The following GLI3 variants were observed in gnomAD, a reference collection of about 807,000 sequenced individuals.
GLI3 encodes transcription activator GLI3.
In GLI3, 20 loss-of-function variants were observed where a neutral mutation model predicts 100.8. That is an observed-to-expected ratio of 0.20 (90% CI 0.14 to 0.29). GLI3 has a LOEUF of 0.29. GLI3 is among the 10% of genes least tolerant of loss of function. GLI3 has a pLI of 1.00. For missense variants in GLI3, 2,040 were observed against 2,128.5 expected (o/e 0.96, Z 0.82); for synonymous variants, 938 against 860.5 (o/e 1.09, Z -1.58).
At chr7:42,211,331 A>G (rs1454122412) in intron 2 of GLI3, among the ~76,000 whole-genome samples, 1 of 152,248 alleles carries the variant, frequency 6.6e-6, no homozygotes, top group African/African-American at 2.4e-5. Flanking sequence ...TTTATAAAAC[A>G]TTGTTAGCCT....
chr7:42,196,739 C>G (rs1787934918), intron 2 of GLI3, among the ~76,000 whole-genome samples: 1 of 152,154 alleles, frequency 6.6e-6, no homozygotes, highest in Non-Finnish European at 1.5e-5. Flanking sequence ...AAAGCCGTTT[C>G]ATGTCTCACT....
intron 10 of GLI3, among the ~76,000 whole-genome samples, chr7:42,004,319 A>G (rs182690053): frequency 4.6e-5 from 7 of 152,358 alleles, no homozygotes; most frequent in African/African-American, 1.7e-4. Context: ...TTAGATAAAT[A>G]TGTATCTGAT....
chr7:42,041,556 C>CTCTTCT (rs1417520558), intron 6 of GLI3, among the ~76,000 whole-genome samples: 23 of 152,262 alleles, frequency 1.5e-4, no homozygotes, highest in African/African-American at 5.3e-4. Context: ...GAGTTTCTAA[C>CTCTTCT]ACCTCATAGA....
intron 10 of GLI3, among the ~76,000 whole-genome samples, chr7:42,017,428 G>A (rs1788798237): frequency 6.6e-6 from 1 of 152,012 alleles, no homozygotes; most frequent in South Asian, 2.1e-4. Context: ...ATACATGGCC[G>A]CCTCTTAAAC....
At chr7:42,006,010 T>G (rs1171312728) in intron 10 of GLI3, among the ~76,000 whole-genome samples, 1 of 152,222 alleles carries the variant, frequency 6.6e-6, no homozygotes, top group Non-Finnish European at 1.5e-5. Flanking sequence ...TGCATGTTTC[T>G]ACCATAAAGG....
chr7:42,028,831 A>G (rs1405758427), intron 7 of GLI3, among the ~76,000 whole-genome samples: 1 of 151,736 alleles, frequency 6.6e-6, no homozygotes. Flanking sequence ...GATGTAGGAG[A>G]TATCCTTACA....
In GLI3 at chr7:41,997,752, C is replaced by T. The variant is rs141045365; in HGVS notation, c.1498-19004G>A. Among the ~76,000 whole-genome samples the T allele has an allele frequency of 6.8e-3, 1,040 of 152,250 alleles. 14 individuals carry two copies. The highest frequency in any genetic ancestry group is 0.024 in the African/African-American group (996 of 41,542). Reference sequence around the variant, plus strand: ...GAACTGTATCACATTCATCCTGGTACCCCACAGGCCTTCACCCTGACTTCC... The same window carrying T: ...GAACTGTATCACATTCATCCTGGTATCCCACAGGCCTTCACCCTGACTTCC... On this transcript the variant is annotated intron_variant, in intron 10 of 14. Coordinates refer to ENST00000395925, the MANE Select transcript of GLI3 (RefSeq NM_000168.6).
chr7:42,066,522 A>T (rs972976098), intron 4 of GLI3, among the ~76,000 whole-genome samples: 3 of 152,210 alleles, frequency 2.0e-5, no homozygotes, highest in Non-Finnish European at 2.9e-5. Context: ...CGCACTTCAG[A>T]TCACGAAAAG....
chr7:42,160,949 G>C (rs1226173986), intron 2 of GLI3, among the ~76,000 whole-genome samples: 1 of 152,100 alleles, frequency 6.6e-6, no homozygotes, highest in Non-Finnish European at 1.5e-5. Context: ...CGTATCTCTG[G>C]TCAAGCCCCA....
At chr7:42,114,277 T>A (rs1054092229) in intron 3 of GLI3, among the ~76,000 whole-genome samples, 8 of 152,206 alleles carry the variant, frequency 5.3e-5, no homozygotes, top group African/African-American at 1.9e-4. Context: ...AGATGAAGAC[T>A]TATTGGGTTT....
At chr7:42,150,946 G>A (rs576122912) in intron 2 of GLI3, among the ~76,000 whole-genome samples, 145 of 152,292 alleles carry the variant, frequency 9.5e-4, no homozygotes, top group African/African-American at 3.2e-3. Context: ...GAGTGGAAAT[G>A]AGGGTACCTT....
intron 3 of GLI3, among the ~76,000 whole-genome samples, chr7:42,124,982 G>T (rs1005876928): frequency 6.6e-6 from 1 of 152,292 alleles, no homozygotes. Context: ...TAAAGACAAT[G>T]GGTCAAAAGA....
intron 3 of GLI3, among the ~76,000 whole-genome samples, chr7:42,077,635 T>C (rs1784909142): frequency 6.6e-6 from 1 of 151,992 alleles, no homozygotes; most frequent in Non-Finnish European, 1.5e-5. Flanking sequence ...TCCGGGTTCC[T>C]GAGCTGCTGG....
chr7:42,078,197 A>G (rs1049823526), intron 3 of GLI3, among the ~76,000 whole-genome samples: 15 of 152,184 alleles, frequency 9.9e-5, no homozygotes, highest in African/African-American at 3.6e-4. Flanking sequence ...GAAATGGATG[A>G]TTATTAGATG....
chr7:42,122,973 C>T (rs1341860687), intron 3 of GLI3, among the ~76,000 whole-genome samples: 1 of 152,208 alleles, frequency 6.6e-6, no homozygotes, highest in East Asian at 1.9e-4. Context: ...AAAACTTGTA[C>T]TACTTCAAAC....
intron 2 of GLI3, among the ~76,000 whole-genome samples, chr7:42,184,391 T>C (rs1787678254): frequency 6.6e-6 from 1 of 152,134 alleles, no homozygotes; most frequent in South Asian, 2.1e-4. Context: ...AGCTATCTCA[T>C]CAGCCCATTT....
chr7:42,133,401 C>T (rs944831029), intron 3 of GLI3, among the ~76,000 whole-genome samples: 1 of 152,150 alleles, frequency 6.6e-6, no homozygotes, highest in Non-Finnish European at 1.5e-5. Context: ...ACTTCCAAAA[C>T]CCAGACAATG....
rs142818855 is a variant in GLI3 at position 42,255,572 on chromosome 7, T to C, written c.-43+8422A>G. On this transcript the variant is annotated intron_variant, in intron 1 of 2. Transcript: ENST00000678978. ...ATTTCATATACACAGAATCATATAA[T>C]ACATAGTCTTTTACATCTGGCTTTA... Among the ~76,000 whole-genome samples the C allele has an allele frequency of 1.2e-4, 19 of 152,340 alleles. No homozygotes were observed. The South Asian group carries it at 1.9e-3, about 15-fold the overall frequency.
intron 3 of GLI3, among the ~76,000 whole-genome samples, chr7:42,130,628 C>T (rs1296939824): frequency 2.0e-5 from 3 of 151,938 alleles, no homozygotes; most frequent in Non-Finnish European, 4.4e-5. Flanking sequence ...AGAAGAGACA[C>T]ACAGAAGTAA....
Sources: gnomAD v4.1 joint callset for allele counts (sites outside exome capture counted in the v4.1 genomes callset) on GRCh38, gnomAD v4.1.1 for gene constraint, MANE v1.5 for transcripts, NCBI Gene and HGNC (gene_info 2026-07-23, HGNC 2026-07-21) for gene names.